CUL1: variants seen among roughly 807,000 people sequenced by gnomAD.
CUL1 encodes cullin-1.
CUL1 carries 24 observed loss-of-function variants against 118.0 expected under a neutral mutation model. The observed-to-expected ratio is 0.20, with a 90% CI of 0.15 to 0.29. The LOEUF (loss-of-function observed/expected upper bound fraction) is 0.29. Ranked by LOEUF, CUL1 falls within the 10% of genes least tolerant of loss-of-function variation. CUL1 has a pLI of 1.00. For synonymous variants in CUL1, 332 were observed against 340.4 expected (o/e 0.98, Z 0.27); for missense variants, 361 against 933.8 (o/e 0.39, Z 7.99).
chr7:148,794,144 T>C (rs1427091614), intron 17 of CUL1, among the ~76,000 whole-genome samples: 1 of 152,106 alleles, frequency 6.6e-6, no homozygotes, highest in Non-Finnish European at 1.5e-5. Context: ...TTCTGTATAC[T>C]AGATCCTTAT....
intron 2 of CUL1, among the ~76,000 whole-genome samples, chr7:148,732,804 C>T (rs1383585562): frequency 6.6e-6 from 1 of 152,076 alleles, no homozygotes; most frequent in Non-Finnish European, 1.5e-5. Flanking sequence ...TTGGTACCTG[C>T]AACTTTAATT....
In CUL1 at chr7:148,798,638, A is replaced by G; in HGVS notation, c.2097A>G (p.Thr699=). The change falls in exon 20 of 22, where the codon ACA becomes ACG. Residue 699 remains threonine, a synonymous_variant. Coordinates refer to ENST00000325222, the MANE Select transcript of CUL1 (RefSeq NM_003592.3). ...AACAGAAGCAGGAACAAGAAACCACACACAAAAACATCGAGGAAGACCGCA... is the reference window on the plus strand; with the variant it reads ...AACAGAAGCAGGAACAAGAAACCACGCACAAAAACATCGAGGAAGACCGCA... ...KTEQKQEQET[T]HKNIEEDRKL... 6.2e-7 allele frequency: 1 copy of G among 1,614,176 alleles called. No homozygotes were observed. The highest frequency in any genetic ancestry group is 1.1e-5 in the South Asian group (1 of 91,088).
In CUL1 at chr7:148,753,973, A is replaced by G. The variant is rs1181482368; in HGVS notation, c.141-3A>G. On this transcript the variant is annotated splice_polypyrimidine_tract_variant and splice_region_variant and intron_variant, in intron 2 of 21. Transcript: ENST00000325222. ...ATGTTGGTTTCCTTAACTTTTCTCC[A>G]AGTCATGTTTATAACTACTGTACTA... 3 of 1,581,518 alleles carry G rather than the reference A, an allele frequency of 1.9e-6. No individual in the cohort carries two copies. Among genetic ancestry groups the G allele is most frequent in the Non-Finnish European group, 2.6e-6 (3 of 1,169,602 alleles).
At chr7:148,722,881 C>T (rs1798439533) in intron 1 of CUL1, among the ~76,000 whole-genome samples, 1 of 152,316 alleles carries the variant, frequency 6.6e-6, no homozygotes, top group East Asian at 1.9e-4. Context: ...AGGAAGAGGA[C>T]GAGGCACATG....
intron 1 of CUL1, among the ~76,000 whole-genome samples, chr7:148,707,207 T>G (rs1797912358): frequency 6.6e-6 from 1 of 151,986 alleles, no homozygotes; most frequent in East Asian, 1.9e-4. Context: ...TGATATGGAG[T>G]GAATTGATGT....
At chr7:148,758,333 G>T (rs1799724774) in intron 4 of CUL1, among the ~76,000 whole-genome samples, 3 of 152,224 alleles carry the variant, frequency 2.0e-5, no homozygotes, top group Non-Finnish European at 2.9e-5. Flanking sequence ...TATAATAGCA[G>T]TACTTTGTAG....
chr7:148,703,721 C>T (rs953594076), intron 1 of CUL1, among the ~76,000 whole-genome samples: 1 of 151,754 alleles, frequency 6.6e-6, no homozygotes, highest in African/African-American at 2.4e-5. Flanking sequence ...TTAGTAGGGA[C>T]GGGGTTTCAC....
rs1554468596 is a variant in CUL1 at position 148,751,551 on chromosome 7, A to AAC, written c.141-2424_141-2423insCA. 5.2e-4 allele frequency among the ~76,000 whole-genome samples: 78 copies of AAC among 149,020 alleles called. 1 individual carries two copies. The highest frequency in any genetic ancestry group is 1.5e-3 in the African/African-American group (61 of 40,938). ...CTCTGTCTCAAAAAAAAAAAAAAAA[A>AAC]AAACCTCTCTTGTCACTTTGTCACT... On this transcript the variant is annotated intron_variant, in intron 2 of 21. Coordinates refer to ENST00000325222, the MANE Select transcript of CUL1 (RefSeq NM_003592.3).
chr7:148,730,389 C>G, intron 2 of CUL1, 127 bp downstream of exon 2: 1 of 1,127,374 alleles, frequency 8.9e-7, no homozygotes, highest in Non-Finnish European at 1.2e-6. Context: ...TCGCAGGGTT[C>G]ATTTTTAGCC....
At chr7:148,699,351 C>A (rs1797636423) in intron 1 of CUL1, among the ~76,000 whole-genome samples, 2 of 151,844 alleles carry the variant, frequency 1.3e-5, no homozygotes, top group South Asian at 4.1e-4. Flanking sequence ...CTGGTGGCGC[C>A]GGCCCCTTTC....
chr7:148,786,044 G>T (rs1800804071), intron 11 of CUL1, among the ~76,000 whole-genome samples: 1 of 152,088 alleles, frequency 6.6e-6, no homozygotes, highest in Non-Finnish European at 1.5e-5. Context: ...ATTATTATTT[G>T]TTCATAGAAT....
intron 2 of CUL1, among the ~76,000 whole-genome samples, chr7:148,733,022 C>T (rs947927239): frequency 6.6e-6 from 1 of 152,022 alleles, no homozygotes; most frequent in Non-Finnish European, 1.5e-5. Flanking sequence ...CTTATCTCAC[C>T]GCGGGCTGGT....
chr7:148,703,572 G>A (rs545829112), intron 1 of CUL1, among the ~76,000 whole-genome samples: 2 of 151,696 alleles, frequency 1.3e-5, no homozygotes, highest in South Asian at 4.2e-4. Flanking sequence ...TCACTCTGTC[G>A]CCCCCACTGG....
intron 1 of CUL1, among the ~76,000 whole-genome samples, chr7:148,719,268 G>A (rs1368281725): frequency 2.6e-5 from 4 of 151,906 alleles, no homozygotes; most frequent in South Asian, 2.1e-4. Context: ...CCAAGATTGC[G>A]CCACTGCACT....
At chr7:148,756,682 A>G (rs984800024) in intron 3 of CUL1, among the ~76,000 whole-genome samples, 2 of 152,104 alleles carry the variant, frequency 1.3e-5, no homozygotes, top group Non-Finnish European at 2.9e-5. Flanking sequence ...ATTTTGTGGT[A>G]TATTTCTTAA....
At chr7:148,783,385 G>T (rs773125219) in intron 9 of CUL1, 19 of 985,374 alleles carry the variant, frequency 1.9e-5, no homozygotes, top group Non-Finnish European at 2.2e-5. Context: ...GCCCAGCCGG[G>T]CTGATGACCG....
chr7:148,790,204 G>A, intron 15 of CUL1, 106 bp from the exon 16 acceptor site: 1 of 1,162,034 alleles, frequency 8.6e-7, no homozygotes, highest in Non-Finnish European at 1.3e-6. Context: ...TTTTATGTAA[G>A]CACTGACTTT....
At chr7:148,793,882 G>T (rs1014299567) in intron 17 of CUL1, among the ~76,000 whole-genome samples, 9 of 152,092 alleles carry the variant, frequency 5.9e-5, no homozygotes, top group Admixed American at 2.6e-4. Context: ...GAAACTTTCA[G>T]TTTCTCCATA....
intron 2 of CUL1, among the ~76,000 whole-genome samples, chr7:148,752,647 AATTT>A (rs1799526541): frequency 1.3e-5 from 2 of 151,722 alleles, no homozygotes; most frequent in Non-Finnish European, 2.9e-5. Context: ...TACAATTTTG[AATTT>A]ATTTATTTAT....
Sources: allele counts gnomAD v4.1 joint callset (sites outside exome capture counted in the v4.1 genomes callset), GRCh38; gene constraint gnomAD v4.1.1; transcripts MANE v1.5; gene names NCBI Gene and HGNC (gene_info 2026-07-23, HGNC 2026-07-21).